Variants in FOXO3 observed in about 807,000 individuals in gnomAD.
FOXO3 encodes forkhead box O3, also known as forkhead box protein O3.
Under a neutral mutation model 41.9 loss-of-function variants are expected in FOXO3, and 4 were observed. The observed-to-expected ratio is 0.10, with a 90% CI of 0.05 to 0.22. The LOEUF is 0.22. FOXO3 is among the 10% of genes least tolerant of loss of function. FOXO3 has a pLI of 1.00. For synonymous variants in FOXO3, 318 were observed against 389.3 expected (o/e 0.82, Z 2.16); for missense variants, 534 against 906.8 (o/e 0.59, Z 5.28).
intron 1 of FOXO3, among the ~76,000 whole-genome samples, chr6:108,569,987 G>GTTTTTTTCTTT (rs1776049722): frequency 1.4e-5 from 1 of 73,246 alleles, no homozygotes; most frequent in Admixed American, 1.7e-4. Flanking sequence ...CCCTTGCGTG[G>GTTTTTTTCTTT]TTTTTTTTTT....
At chr6:108,647,443 T>C (rs1453396616) in intron 1 of FOXO3, among the ~76,000 whole-genome samples, 1 of 152,210 alleles carries the variant, frequency 6.6e-6, no homozygotes, top group Non-Finnish European at 1.5e-5. Context: ...TTTCCATGCA[T>C]GTCCACAAAT....
intron 1 of FOXO3, among the ~76,000 whole-genome samples, chr6:108,562,847 G>A (rs1775853575): frequency 6.6e-6 from 1 of 152,162 alleles, no homozygotes; most frequent in Non-Finnish European, 1.5e-5. Context: ...CCCCTGCTGG[G>A]CTGCTGATAT....
chr6:108,663,472 C>T lies in FOXO3; in HGVS notation c.639C>T (p.Asn213=), dbSNP rs1315488418. The stretch of plus-strand genomic sequence containing the variant: ...CCCTGCAGAACTCCATCCGGCACAA[C>T]CTGTCACTGCATAGTCGATTCATGC... ...SAGWKNSIRH[N]LSLHSRFMRV... is the part of the protein sequence containing the mutation. Residue 213 remains asparagine (N), a synonymous_variant, in exon 2 of 3, where the codon AAC becomes AAT. Coordinates refer to ENST00000406360, the MANE Select transcript of FOXO3 (RefSeq NM_001455.4). 7 of 1,603,636 alleles carry T rather than the reference C, an allele frequency of 4.4e-6. No individual in the cohort carries two copies. Among genetic ancestry groups the T allele is most frequent in the South Asian group, 1.1e-5 (1 of 89,608 alleles).
Position 108,572,519 on chromosome 6 carries a change from C to T in FOXO3, c.621+10690C>T, listed in dbSNP as rs142894333. ...CATGGAGTGGTTGTCCTCACAGAAA[C>T]AGCAGCAGTAGCAGTAGATATCTTG... On this transcript the variant is annotated intron_variant, in intron 1 of 2. Transcript: ENST00000406360. 4.6e-3 allele frequency among the ~76,000 whole-genome samples: 703 copies of T among 152,326 alleles called. 5 individuals carry two copies. Among genetic ancestry groups the T allele is most frequent in the African/African-American group, 0.016 (647 of 41,560 alleles).
chr6:108,595,014 G>A (rs962284470), intron 1 of FOXO3, among the ~76,000 whole-genome samples: 8 of 152,094 alleles, frequency 5.3e-5, no homozygotes, highest in African/African-American at 1.7e-4. Context: ...TTTTCATGGT[G>A]GTTCCCCAAA....
chr6:108,643,800 G>T (rs1778324096), intron 1 of FOXO3, among the ~76,000 whole-genome samples: 1 of 152,032 alleles, frequency 6.6e-6, no homozygotes, highest in Non-Finnish European at 1.5e-5. Context: ...GTGAAGATCT[G>T]ACCTTAGTGC....
intron 1 of FOXO3, among the ~76,000 whole-genome samples, chr6:108,615,851 A>C (rs955269808): frequency 1.3e-5 from 2 of 151,872 alleles, no homozygotes; most frequent in Non-Finnish European, 2.9e-5. Flanking sequence ...GCAATGTTTA[A>C]TTTGCTGTTA....
intron 1 of FOXO3, among the ~76,000 whole-genome samples, chr6:108,573,439 ACT>A (rs1432172358): frequency 6.6e-6 from 1 of 152,114 alleles, no homozygotes; most frequent in Non-Finnish European, 1.5e-5. Flanking sequence ...AGTTGTGCTG[ACT>A]CTGAGTAACA....
Position 108,682,863 on chromosome 6 carries a change from C to T in FOXO3, c.*3071C>T, listed in dbSNP as rs987418814. ...CTAAATAAGCTGCTCTAGGGAGCCG[C>T]CTACTTTTTGATGAGAAATTAGAAG... On this transcript the variant is annotated 3_prime_UTR_variant, in exon 3 of 3. Coordinates refer to ENST00000406360, the MANE Select transcript of FOXO3 (RefSeq NM_001455.4). 4 of 152,672 alleles carry T rather than the reference C, an allele frequency of 2.6e-5. No homozygotes were observed. The highest frequency in any genetic ancestry group is 9.6e-5 in the African/African-American group (4 of 41,470). 9.5% of individuals were successfully genotyped at this position (152,672 alleles called of 1,614,324 possible).
At chr6:108,590,563 ATATTT>A (rs1349859107) in intron 1 of FOXO3, among the ~76,000 whole-genome samples, 1 of 152,204 alleles carries the variant, frequency 6.6e-6, no homozygotes, top group Non-Finnish European at 1.5e-5. Flanking sequence ...TATCCCTAAG[ATATTT>A]TATTATGTAT....
intron 1 of FOXO3, among the ~76,000 whole-genome samples, chr6:108,657,159 A>C (rs922258249): frequency 2.6e-5 from 4 of 152,258 alleles, no homozygotes; most frequent in Non-Finnish European, 4.4e-5. Context: ...GATGGACATA[A>C]AAATGAAATA....
At chr6:108,569,203 G>A (rs544736331) in intron 1 of FOXO3, among the ~76,000 whole-genome samples, 9 of 152,326 alleles carry the variant, frequency 5.9e-5, no homozygotes, top group Admixed American at 1.3e-4. Context: ...CAGTCTTTGA[G>A]ATGAACTATT....
intron 2 of FOXO3, among the ~76,000 whole-genome samples, chr6:108,675,543 A>G (rs1770551878): frequency 6.6e-6 from 1 of 152,208 alleles, no homozygotes; most frequent in African/African-American, 2.4e-5. Context: ...GTCAGATTGC[A>G]TTAATATCAA....
chr6:108,660,010 C>T (rs1778797165), intron 1 of FOXO3, among the ~76,000 whole-genome samples: 1 of 152,166 alleles, frequency 6.6e-6, no homozygotes, highest in South Asian at 2.1e-4. Context: ...GAATACTTGA[C>T]TGGTCATTCT....
chr6:108,562,353 A>T (rs1157749659), intron 1 of FOXO3, among the ~76,000 whole-genome samples: 1 of 151,970 alleles, frequency 6.6e-6, no homozygotes, highest in African/African-American at 2.4e-5. Context: ...GTGGGTGTTA[A>T]CACCTACAGG....
chr6:108,652,057 G>A (rs541001971), intron 1 of FOXO3, among the ~76,000 whole-genome samples: 41 of 152,302 alleles, frequency 2.7e-4, no homozygotes, highest in Non-Finnish European at 4.6e-4. Flanking sequence ...TTGAGGATCC[G>A]TAACGTGGTG....
At chr6:108,602,833 C>T (rs1350494050) in intron 1 of FOXO3, among the ~76,000 whole-genome samples, 1 of 152,044 alleles carries the variant, frequency 6.6e-6, no homozygotes, top group African/African-American at 2.4e-5. Flanking sequence ...GTTAAGTGGT[C>T]TTTTAATGGA....
chr6:108,626,981 TACTG>T (rs1777828265), intron 1 of FOXO3, among the ~76,000 whole-genome samples: 1 of 152,172 alleles, frequency 6.6e-6, no homozygotes, highest in Non-Finnish European at 1.5e-5. Context: ...TGTGCTGACA[TACTG>T]ATTGATGGTG....
chr6:108,595,645 A>G (rs1776861121), intron 1 of FOXO3, among the ~76,000 whole-genome samples: 1 of 152,198 alleles, frequency 6.6e-6, no homozygotes, highest in South Asian at 2.1e-4. Context: ...TACCCTTGAA[A>G]AGAAAGGATC....
Sources: allele counts gnomAD v4.1 joint callset (sites outside exome capture counted in the v4.1 genomes callset), GRCh38; gene constraint gnomAD v4.1.1; transcripts MANE v1.5; gene names NCBI Gene and HGNC (gene_info 2026-07-23, HGNC 2026-07-21).